The following SSTR3 variants were observed in gnomAD, a reference collection of about 807,000 sequenced individuals.
The protein encoded by SSTR3 is somatostatin receptor 3, also known as somatostatin receptor type 3.
For synonymous variants in SSTR3, 281 were observed against 269.2 expected (o/e 1.04, Z -0.43); for missense variants, 504 against 604.7 (o/e 0.83, Z 1.75).
intron 1 of SSTR3, among the ~76,000 whole-genome samples, chr22:37,211,338 C>T (rs12484211): frequency 0.11 from 16,206 of 152,232 alleles, 1,044 homozygotes; most frequent in South Asian, 0.21. Flanking sequence ...CCCTACAGGC[C>T]CAGCGCTGGG....
Position 37,206,264 on chromosome 22 carries a change from C to T in SSTR3, c.*283G>A, listed in dbSNP as rs8141312. 2,197 of 398,518 alleles carry T rather than the reference C, an allele frequency of 5.5e-3. 34 individuals carry two copies. The highest frequency in any genetic ancestry group is 0.04 in the African/African-American group (1,932 of 48,276). The allele number at this position is 398,518 out of a possible 1,614,324, so 24.7% of individuals were successfully genotyped here. A position where few individuals can be genotyped will look rare whatever the true frequency, so the allele number is the denominator to read the frequency against. ...GAGGCCAGTCTGCACCCACCTTTTGCCTGCTCAGCCAGGTCAGCCCAGCAA... is the reference window on the plus strand; with the variant it reads ...GAGGCCAGTCTGCACCCACCTTTTGTCTGCTCAGCCAGGTCAGCCCAGCAA... On this transcript the variant is annotated 3_prime_UTR_variant, in exon 2 of 2. Transcript: ENST00000610913.
intron 1 of SSTR3, among the ~76,000 whole-genome samples, chr22:37,208,594 C>A (rs1246987813): frequency 6.6e-6 from 1 of 152,210 alleles, no homozygotes; most frequent in Non-Finnish European, 1.5e-5. Context: ...AAGAGTAGTC[C>A]CTCCCCCTGG....
intron 1 of SSTR3, chr22:37,210,767 G>A: frequency 1.0e-6 from 1 of 985,480 alleles, no homozygotes; most frequent in Non-Finnish European, 1.2e-6. Flanking sequence ...GGGAGGCCAG[G>A]CACCCCAATC....
chr22:37,206,645 G>A lies in SSTR3; in HGVS notation c.1159C>T (p.Arg387Trp), dbSNP rs145475895. The A allele has an allele frequency of 2.4e-5, 39 of 1,610,632 alleles. No individual in the cohort carries two copies. In the African/African-American group the frequency reaches 2.7e-4, roughly 11 times the overall value. The change falls in exon 2 of 2, where the codon CGG becomes TGG. Residue 387 changes from arginine (R) to tryptophan (W), a missense_variant. Transcript: ENST00000610913. ...ITQPGTSGQE[R>W]PPSRVASKEQ... ...TTGCTGGCCACTCTGCTGGGCGGCCGCTCCTGCCCGCTGGTGCCAGGCTGC... is the reference window on the plus strand; with the variant it reads ...TTGCTGGCCACTCTGCTGGGCGGCCACTCCTGCCCGCTGGTGCCAGGCTGC...
intron 1 of SSTR3, chr22:37,211,045 T>C (rs1033747107): frequency 1.1e-6 from 1 of 918,482 alleles, no homozygotes; most frequent in South Asian, 5.0e-5. Flanking sequence ...TTGAGTAAGC[T>C]GCAAAGGGTC....
chr22:37,212,235 G>T lies in SSTR3; in HGVS notation c.-447C>A. ...AGAGAGAGAGAGAGAAAGAGGGAGG[G>T]GGAGAGAGAGAGAGGGAGAGGGAGA... On this transcript the variant is annotated 5_prime_UTR_variant, in exon 1 of 2. Coordinates refer to ENST00000610913, the MANE Select transcript of SSTR3 (RefSeq NM_001051.5). 3 of 714,982 alleles carry T rather than the reference G, an allele frequency of 4.2e-6. No individual in the cohort carries two copies. Among genetic ancestry groups the T allele is most frequent in the Non-Finnish European group, 5.1e-6 (3 of 583,036 alleles). The allele number at this position is 714,982 out of a possible 1,614,324, so 44.3% of individuals were successfully genotyped here.
chr22:37,219,189 T>A, the SSTR3 span, among the ~76,000 whole-genome samples: 14 of 152,322 alleles, frequency 9.2e-5, 1 homozygote, highest in East Asian at 2.1e-3. Flanking sequence ...GAAACATCTC[T>A]ACCCTAGCGC....
the SSTR3 span, among the ~76,000 whole-genome samples, chr22:37,217,697 T>C: frequency 6.8e-6 from 1 of 147,638 alleles, no homozygotes; most frequent in South Asian, 2.1e-4. Flanking sequence ...TTTTGTTTGT[T>C]TGTTTGTGTT....
rs768468678 is a variant in SSTR3, at chr22:37,206,703, C to T, written c.1101G>A (p.Gly367=). The T allele has an allele frequency of 6.8e-6, 11 of 1,608,256 alleles. No individual in the cohort carries two copies. Among genetic ancestry groups the T allele is most frequent in the Non-Finnish European group, 9.3e-6 (11 of 1,179,806 alleles). ...GGCTGACCCGGCCGTTCATCTCCTTCCCCTTGCCCCCCTCCCTGCTCTCCT... is the reference window on the plus strand; with the variant it reads ...GGCTGACCCGGCCGTTCATCTCCTTTCCCTTGCCCCCCTCCCTGCTCTCCT... ...DGEESREGGK[G]KEMNGRVSQI... is the part of the protein sequence containing the mutation. The change falls in exon 2 of 2, where the codon GGG becomes GGA. Residue 367 remains glycine, a synonymous_variant. Coordinates refer to ENST00000610913, the MANE Select transcript of SSTR3 (RefSeq NM_001051.5).
intron 1 of SSTR3, chr22:37,211,056 A>T: frequency 1.2e-6 from 1 of 864,454 alleles, no homozygotes; most frequent in Non-Finnish European, 1.4e-6. Context: ...GCAAAGGGTC[A>T]CCCAGCTGGA....
Position 37,207,337 on chromosome 22 carries a change from G to A in SSTR3, c.467C>T (p.Thr156Ile). Reference protein sequence around the residue: ...VHPTRSARWRTAPVARTVSAA... With the variant: ...VHPTRSARWRIAPVARTVSAA... ...GCTGACCGTGCGGGCCACCGGAGCT[G>A]TGCGCCAGCGGGCCGAGCGGGTGGG... Residue 156 changes from threonine to isoleucine, a missense_variant, in exon 2 of 2, where the codon ACA (threonine) becomes ATA (isoleucine). By Grantham distance (89) the Thr-to-Ile change is moderately conservative. Coordinates refer to ENST00000610913, the MANE Select transcript of SSTR3 (RefSeq NM_001051.5). 1 of 1,602,826 alleles carries A rather than the reference G, an allele frequency of 6.2e-7. No homozygotes were observed.
chr22:37,211,506 T>A (rs1424312895), intron 1 of SSTR3, among the ~76,000 whole-genome samples: 1 of 152,132 alleles, frequency 6.6e-6, no homozygotes. Context: ...CCAAGCACAG[T>A]GCCGGGTATG....
At chr22:37,217,986 G>A in the SSTR3 span, among the ~76,000 whole-genome samples, 1 of 152,248 alleles carries the variant, frequency 6.6e-6, no homozygotes. Flanking sequence ...TTACAGGAAT[G>A]AGCTACTGAG....
chr22:37,210,077 C>T (rs942523267), intron 1 of SSTR3, among the ~76,000 whole-genome samples: 5 of 152,184 alleles, frequency 3.3e-5, no homozygotes, highest in Admixed American at 6.5e-5. Flanking sequence ...GTAGGGGACC[C>T]GCGTCACCAT....
At position 37,211,809 on chromosome 22, in the gene SSTR3, G is replaced by T; in HGVS notation, c.-37+16C>A. On this transcript the variant is annotated intron_variant, in intron 1 of 1. Transcript: ENST00000610913. ...CCCCACCCTTCGGGACATCATCCGG[G>T]CCCCAGCCTCCTTACCTGCCCATGG... is the stretch of plus-strand genomic sequence containing the variant. 1.0e-6 allele frequency: 1 copy of T among 985,546 alleles called. No homozygotes were observed. The highest frequency in any genetic ancestry group is 1.2e-6 in the Non-Finnish European group (1 of 830,030). The allele number at this position is 985,546 out of a possible 1,614,324, so 61.1% of individuals were successfully genotyped here.
chr22:37,213,202 T>A (rs1372209895), upstream of SSTR3, among the ~76,000 whole-genome samples: 1 of 152,210 alleles, frequency 6.6e-6, no homozygotes, highest in Non-Finnish European at 1.5e-5. Context: ...TGGGTGGGAT[T>A]TGCCCCGTGG....
chr22:37,211,238 G>A (rs906474184), intron 1 of SSTR3, among the ~76,000 whole-genome samples: 9 of 152,124 alleles, frequency 5.9e-5, no homozygotes, highest in South Asian at 2.1e-4. Context: ...TACATGCTTC[G>A]GCCTTCCCCC....
chr22:37,207,209 C>T lies in SSTR3; in HGVS notation c.595G>A (p.Ala199Thr), dbSNP rs34092036. ...ATGAAGCCGGCTCGCCAGGCCGCCG[C>T]CGGCTCGGGCCACTGCATGTGGCAG... is the stretch of plus-strand genomic sequence containing the variant. ...STCHMQWPEP[A>T]AAWRAGFIIY... The change falls in exon 2 of 2, where the codon GCG becomes ACG. Residue 199 changes from alanine (A) to threonine (T), a missense_variant. Physicochemically the swap from Ala to Thr is moderately conservative, Grantham distance 58. Transcript: ENST00000610913. 6.2e-7 allele frequency: 1 copy of T among 1,610,126 alleles called. No individual in the cohort carries two copies. Among genetic ancestry groups the T allele is most frequent in the Non-Finnish European group, 8.5e-7 (1 of 1,178,646 alleles).
intron 1 of SSTR3, among the ~76,000 whole-genome samples, chr22:37,210,385 C>T (rs1172025696): frequency 6.6e-6 from 1 of 152,252 alleles, no homozygotes; most frequent in African/African-American, 2.4e-5. Flanking sequence ...CCAGACCCTC[C>T]TTTGTACCAG....
Sources: gnomAD v4.1 joint callset for allele counts (sites outside exome capture counted in the v4.1 genomes callset) on GRCh38, gnomAD v4.1.1 for gene constraint, MANE v1.5 for transcripts, NCBI Gene and HGNC (gene_info 2026-07-23, HGNC 2026-07-21) for gene names.